Variants in CUL4B observed in about 807,000 individuals in gnomAD.
CUL4B encodes cullin 4B.
Under a neutral mutation model 69.2 loss-of-function variants are expected in CUL4B, and 1 was observed. The ratio of observed to expected loss-of-function variants is 0.01; its 90% CI spans 0.01 to 0.07. The LOEUF is 0.07. CUL4B is among the 10% of genes least tolerant of loss of function. The pLI, the probability that CUL4B is intolerant of heterozygous loss-of-function variation, is 1.00. For synonymous variants in CUL4B, 237 were observed against 223.2 expected (o/e 1.06, Z -0.55); for missense variants, 328 against 638.8 (o/e 0.51, Z 5.24).
chrX:120,551,776 C>T (rs1924702735), intron 2 of CUL4B, among the ~76,000 whole-genome samples: 1 of 111,923 alleles, frequency 8.9e-6, no homozygotes, highest in Admixed American at 9.5e-5. Flanking sequence ...ATTTCATGAA[C>T]CTATTAGAAC....
chrX:120,528,117 A>G (rs1923092901), intron 19 of CUL4B, among the ~76,000 whole-genome samples: 2 of 111,876 alleles, frequency 1.8e-5, no homozygotes, highest in African/African-American at 3.2e-5. Context: ...TGATGAAATC[A>G]CTATTTAGAC....
intron 8 of CUL4B, 92 bp downstream of exon 8, chrX:120,543,635 G>A: frequency 1.6e-6 from 1 of 632,432 alleles, no homozygotes; most frequent in East Asian, 3.2e-5. Flanking sequence ...AATCACACCT[G>A]AAAACAGTTA....
intron 2 of CUL4B, among the ~76,000 whole-genome samples, chrX:120,553,842 T>C (rs1429467360): frequency 1.8e-5 from 2 of 111,961 alleles, no homozygotes; most frequent in African/African-American, 6.5e-5. Context: ...AAAATATTAC[T>C]TATTAATAGT....
chrX:120,543,069 G>T, intron 8 of CUL4B, 36 bp from the exon 9 acceptor site: 1 of 965,701 alleles, frequency 1.0e-6, no homozygotes, highest in Non-Finnish European at 1.5e-6. Context: ...TATTATTGAC[G>T]TTTGACTTCC....
At chrX:120,551,465 T>G (rs147934039) in intron 2 of CUL4B, among the ~76,000 whole-genome samples, 121 of 111,310 alleles carry the variant, frequency 1.1e-3, no homozygotes, top group Middle Eastern at 4.6e-3. Context: ...CCTCCCAAAG[T>G]GCTGGATTAC....
At chrX:120,538,832 T>A in intron 12 of CUL4B, 62 bp from the exon 13 acceptor site, 1 of 706,692 alleles carries the variant, frequency 1.4e-6, no homozygotes, top group Non-Finnish European at 2.2e-6. Context: ...AAAACTGCTT[T>A]AAAGTGCTTT....
intron 2 of CUL4B, among the ~76,000 whole-genome samples, chrX:120,553,937 C>T (rs1924827973): frequency 9.0e-6 from 1 of 111,466 alleles, no homozygotes; most frequent in Non-Finnish European, 1.9e-5. Context: ...CGTAGAGGGA[C>T]ACTGTTCCTA....
chrX:120,530,914 C>T (rs190599298), intron 18 of CUL4B, among the ~76,000 whole-genome samples: 1 of 111,707 alleles, frequency 9.0e-6, no homozygotes, highest in African/African-American at 3.3e-5. Flanking sequence ...CTTCCTGGTA[C>T]AGCATAAATG....
At chrX:120,528,707 C>T (rs749216323) in intron 19 of CUL4B, among the ~76,000 whole-genome samples, 3 of 110,682 alleles carry the variant, frequency 2.7e-5, no homozygotes, top group South Asian at 3.8e-4. Context: ...GATGACAGAG[C>T]GAGACTCCAT....
At chrX:120,539,207 C>A (rs1923844780) in intron 12 of CUL4B, 61 bp downstream of exon 12, 1 of 625,982 alleles carries the variant, frequency 1.6e-6, no homozygotes, top group African/African-American at 2.2e-5. Flanking sequence ...AATATACTTG[C>A]TAGCTTCTCT....
At chrX:120,529,967 A>T in intron 19 of CUL4B, 135 bp downstream of exon 19, 1 of 654,144 alleles carries the variant, frequency 1.5e-6, no homozygotes, top group Non-Finnish European at 2.3e-6. Flanking sequence ...AATCATATGC[A>T]TCAACATGGG....
downstream of CUL4B, among the ~76,000 whole-genome samples, chrX:120,566,603 G>C (rs1925556472): frequency 9.4e-6 from 1 of 106,530 alleles, no homozygotes; most frequent in African/African-American, 3.4e-5. Context: ...CTCCATGTTG[G>C]CCAGGCTGGT....
rs1364043002 is a variant in CUL4B at position 120,524,694 on chromosome X, GAAC to G, written c.*2064_*2066del. On this transcript the variant is annotated 3_prime_UTR_variant, in exon 20 of 20. Coordinates refer to ENST00000371322, the MANE Select transcript of CUL4B (RefSeq NM_001079872.2). ...AGAGCACAAAAATTCAACTGATACA[GAAC>G]AACAACTGAAAGTCACAATTATCCA... is the stretch of plus-strand genomic sequence containing the variant. The G allele has an allele frequency of 1.8e-5, 2 of 111,359 alleles. No homozygotes were observed. The highest frequency in any genetic ancestry group is 3.8e-5 in the Non-Finnish European group (2 of 52,979). 9.2% of individuals were successfully genotyped at this position (111,359 alleles called of 1,213,427 possible).
chrX:120,572,396 C>T (rs755557315), intron 2 of CUL4B, among the ~76,000 whole-genome samples: 1 of 98,352 alleles, frequency 1.0e-5, no homozygotes, highest in Non-Finnish European at 2.0e-5. Context: ...ACCCAGGAGA[C>T]GGAGGTTGCA....
Position 120,546,589 on chromosome X carries a change from TA to T in CUL4B, c.803del (p.Leu268Ter). 2 of 1,201,835 alleles carry T rather than the reference TA, an allele frequency of 1.7e-6. No homozygotes were observed. Among genetic ancestry groups the T allele is most frequent in the African/African-American group, 1.7e-5 (1 of 57,482 alleles). On this transcript the variant is annotated frameshift_variant, in exon 4 of 20. Coordinates refer to ENST00000371322, the MANE Select transcript of CUL4B (RefSeq NM_001079872.2). LOFTEE classifies it high-confidence loss of function. ...REDSLDSVLF[L>X]KKIDRCWQNH... is the part of the protein sequence containing the mutation. ...TTTGCCAGCATCTATCAATCTTCTT[TA>T]AAAAAAGAACGCTATCCAATGAATC... is the stretch of plus-strand genomic sequence containing the variant.
At position 120,526,250 on chromosome X, in the gene CUL4B, A is replaced by G. The variant is rs1286563330; in HGVS notation, c.*511T>C. Reference sequence around the variant, plus strand: ...ACCTAGTAAAATATCAATAGCTATGACAATTCATTTCTCTTTTCAAGGGAA... The same window carrying G: ...ACCTAGTAAAATATCAATAGCTATGGCAATTCATTTCTCTTTTCAAGGGAA... On this transcript the variant is annotated 3_prime_UTR_variant, in exon 20 of 20. Transcript: ENST00000371322. 8.8e-6 allele frequency: 1 copy of G among 113,520 alleles called. No homozygotes were observed. The highest frequency in any genetic ancestry group is 1.9e-5 in the Non-Finnish European group (1 of 53,972). The allele number at this position is 113,520 out of a possible 1,213,427, so 9.4% of individuals were successfully genotyped here.
intron 1 of CUL4B, among the ~76,000 whole-genome samples, chrX:120,558,412 G>A (rs1338561756): frequency 7.1e-5 from 8 of 111,903 alleles, no homozygotes; most frequent in African/African-American, 2.6e-4. Flanking sequence ...TACTGTCTAT[G>A]TGCAAGGTAC....
upstream of CUL4B, chrX:120,561,343 C>T (rs763234798): frequency 4.4e-5 from 25 of 561,988 alleles, no homozygotes; most frequent in African/African-American, 4.5e-4. Context: ...AACGGTCCCG[C>T]GGGAAGCTTC....
chrX:120,561,071 A>C (rs750060927), upstream of CUL4B: 1,923 of 1,002,106 alleles, frequency 1.9e-3, 1 homozygote, highest in Non-Finnish European at 2.3e-3. Flanking sequence ...TGTCAATAGC[A>C]CAAGAGGCTA....
Sources: gnomAD v4.1 joint callset for allele counts (sites outside exome capture counted in the v4.1 genomes callset) on GRCh38, gnomAD v4.1.1 for gene constraint, MANE v1.5 for transcripts, NCBI Gene and HGNC (gene_info 2026-07-23, HGNC 2026-07-21) for gene names.